The following TLE4 variants were observed in gnomAD, a reference collection of about 807,000 sequenced individuals.
TLE4 encodes the protein TLE family member 4, transcriptional corepressor.
A neutral mutation model predicts 92.8 loss-of-function variants in TLE4; 8 were observed. The ratio of observed to expected loss-of-function variants is 0.09; its 90% CI spans 0.05 to 0.16. The LOEUF (loss-of-function observed/expected upper bound fraction) is 0.16. Ranked by LOEUF, TLE4 falls within the 10% of genes least tolerant of loss-of-function variation. TLE4 has a pLI of 1.00. For synonymous variants in TLE4, 371 were observed against 374.1 expected (o/e 0.99, Z 0.10); for missense variants, 675 against 997.6 (o/e 0.68, Z 4.36).
intron 6 of TLE4, among the ~76,000 whole-genome samples, chr9:79,635,965 A>G (rs2055687272): frequency 6.6e-6 from 1 of 152,074 alleles, no homozygotes; most frequent in Non-Finnish European, 1.5e-5. Context: ...TCCACCTCCT[A>G]ACATTTCTCT....
chr9:79,631,302 T>C (rs1392686275), intron 6 of TLE4, among the ~76,000 whole-genome samples: 1 of 152,188 alleles, frequency 6.6e-6, no homozygotes, highest in African/African-American at 2.4e-5. Flanking sequence ...GCTGATGGAA[T>C]AGTTCATTTG....
At chr9:79,671,728 T>C (rs1238973255) in intron 8 of TLE4, among the ~76,000 whole-genome samples, 3 of 152,120 alleles carry the variant, frequency 2.0e-5, no homozygotes, top group Non-Finnish European at 4.4e-5. Context: ...GAGTCAGCCT[T>C]GCTATGGACT....
intron 5 of TLE4, among the ~76,000 whole-genome samples, chr9:79,614,663 C>T (rs764155123): frequency 1.3e-5 from 2 of 152,158 alleles, no homozygotes; most frequent in African/African-American, 2.4e-5. Context: ...TGGTTGAAAT[C>T]CTTGACTCAC....
At chr9:79,687,366 A>G (rs1450795573) in intron 8 of TLE4, among the ~76,000 whole-genome samples, 4 of 152,194 alleles carry the variant, frequency 2.6e-5, no homozygotes, top group Non-Finnish European at 5.9e-5. Context: ...TGGTGGCCCC[A>G]TGGGTGCCAG....
intron 10 of TLE4, 89 bp downstream of exon 10, chr9:79,706,031 G>A (rs1218471829): frequency 7.9e-7 from 1 of 1,262,836 alleles, no homozygotes; most frequent in African/African-American, 1.5e-5. Context: ...AATATCTTGA[G>A]GTTTGTCGTT....
intron 1 of TLE4, 153 bp from the exon 2 acceptor site, chr9:79,573,536 C>T (rs1311474092): frequency 8.6e-6 from 7 of 818,244 alleles, no homozygotes; most frequent in Non-Finnish European, 1.2e-5. Flanking sequence ...GGCTGTTGGG[C>T]GCGAGGAGGG....
At chr9:79,653,697 A>G (rs1396257255) in intron 7 of TLE4, among the ~76,000 whole-genome samples, 1 of 152,220 alleles carries the variant, frequency 6.6e-6, no homozygotes, top group East Asian at 1.9e-4. Flanking sequence ...TTTATCACAT[A>G]TGCATAAATA....
intron 4 of TLE4, among the ~76,000 whole-genome samples, chr9:79,590,738 T>G (rs2132293826): frequency 6.6e-6 from 1 of 152,314 alleles, no homozygotes; most frequent in East Asian, 1.9e-4. Flanking sequence ...CAAATCCCAC[T>G]TTCTTAAGAT....
intron 8 of TLE4, among the ~76,000 whole-genome samples, chr9:79,694,823 C>A (rs758985222): frequency 7.3e-5 from 11 of 151,062 alleles, no homozygotes; most frequent in Non-Finnish European, 1.2e-4. Context: ...TTTCCTTTTA[C>A]CACATACCTC....
intron 3 of TLE4, chr9:79,575,917 A>G (rs559799066): frequency 2.7e-6 from 1 of 373,396 alleles, no homozygotes; most frequent in Admixed American, 4.6e-5. Flanking sequence ...GTTTGAATTT[A>G]ATTTTTCTTA....
rs947971071 is a variant in TLE4, at chr9:79,724,849, TAAAAAAAAAAAAAA to T, written c.2215-169_2215-156del. On this transcript the variant is annotated intron_variant, in intron 19 of 19. Coordinates refer to ENST00000376552, the MANE Select transcript of TLE4 (RefSeq NM_007005.6). Reference sequence around the variant, plus strand: ...GTGACTGAGGGAGACCCTGTCTTATTAAAAAAAAAAAAAAAAAAAAAAAAAAAAAAAAGCAGCAG... The same window carrying T: ...GTGACTGAGGGAGACCCTGTCTTATTAAAAAAAAAAAAAAAAAAGCAGCAG... Among the ~76,000 whole-genome samples the T allele has an allele frequency of 1.4e-3, 36 of 25,990 alleles. 1 individual carries two copies. Among genetic ancestry groups the T allele is most frequent in the African/African-American group, 3.9e-3 (24 of 6,176 alleles). The allele number at this position is 25,990 out of a possible 152,430, so 17.1% of individuals were successfully genotyped here.
chr9:79,726,873 T>G lies in TLE4; in HGVS notation c.*1729T>G, dbSNP rs1340787644. 6.6e-6 allele frequency: 1 copy of G among 152,374 alleles called. No individual in the cohort carries two copies. The highest frequency in any genetic ancestry group is 1.5e-5 in the Non-Finnish European group (1 of 68,042). 9.4% of individuals were successfully genotyped at this position (152,374 alleles called of 1,614,324 possible). A position where few individuals can be genotyped will look rare whatever the true frequency, so the allele number is the denominator to read the frequency against. The stretch of plus-strand genomic sequence containing the variant: ...GTTGTTAAAGTAAAGTGGTTTTTTT[T>G]GTTGTTAAAGTAATGTGGGTTTTTT... On this transcript the variant is annotated 3_prime_UTR_variant, in exon 20 of 20. Transcript: ENST00000376552.
At chr9:79,648,014 C>G (rs926175580) in intron 6 of TLE4, among the ~76,000 whole-genome samples, 3 of 151,760 alleles carry the variant, frequency 2.0e-5, no homozygotes, top group African/African-American at 4.8e-5. Flanking sequence ...AAAGCTGAGC[C>G]CTAGGAGTTT....
chr9:79,693,626 A>G (rs763042353), intron 8 of TLE4: 1 of 517,632 alleles, frequency 1.9e-6, no homozygotes, highest in Non-Finnish European at 3.9e-6. Context: ...GTGTGCATGC[A>G]TGGAAAGAGA....
In TLE4 at chr9:79,582,481, G is replaced by A. The variant is rs149041105; in HGVS notation, c.252+6304G>A. Among the ~76,000 whole-genome samples the A allele has an allele frequency of 3.8e-3, 581 of 152,192 alleles. 1 individual carries two copies. Among genetic ancestry groups the A allele is most frequent in the Middle Eastern group, 0.01 (3 of 294 alleles). Reference sequence around the variant, plus strand: ...GAGACAATACAAGCACCAGCCCATTGTTCTTCACATTCTTCATTTAATCTT... The same window carrying A: ...GAGACAATACAAGCACCAGCCCATTATTCTTCACATTCTTCATTTAATCTT... On this transcript the variant is annotated intron_variant, in intron 4 of 19. Coordinates refer to ENST00000376552, the MANE Select transcript of TLE4 (RefSeq NM_007005.6).
intron 8 of TLE4, among the ~76,000 whole-genome samples, chr9:79,667,655 T>C (rs911821883): frequency 1.3e-5 from 2 of 152,114 alleles, no homozygotes; most frequent in Admixed American, 6.6e-5. Flanking sequence ...TGGAAGTGCT[T>C]GTGAAAGGAA....
intron 14 of TLE4, among the ~76,000 whole-genome samples, chr9:79,715,791 T>G (rs1350078062): frequency 2.0e-5 from 3 of 152,088 alleles, no homozygotes; most frequent in Admixed American, 1.3e-4. Context: ...CCCCCTCATC[T>G]CTAGTGAACA....
At chr9:79,678,104 G>A (rs1272970687) in intron 8 of TLE4, among the ~76,000 whole-genome samples, 2 of 152,054 alleles carry the variant, frequency 1.3e-5, no homozygotes, top group Admixed American at 6.6e-5. Flanking sequence ...TAGTAGATAT[G>A]TGAACTATAA....
intron 8 of TLE4, among the ~76,000 whole-genome samples, chr9:79,680,127 A>C (rs367981845): frequency 2.0e-5 from 3 of 151,522 alleles, no homozygotes; most frequent in African/African-American, 4.9e-5. Flanking sequence ...TATGAACTTT[A>C]AAGTAGTTTT....
Sources: allele counts gnomAD v4.1 joint callset (sites outside exome capture counted in the v4.1 genomes callset), GRCh38; gene constraint gnomAD v4.1.1; transcripts MANE v1.5; gene names NCBI Gene and HGNC (gene_info 2026-07-23, HGNC 2026-07-21).